Variants in FTO observed in about 807,000 individuals in gnomAD.
The protein encoded by FTO is FTO alpha-ketoglutarate dependent dioxygenase.
Under a neutral mutation model 63.9 loss-of-function variants are expected in FTO, and 47 were observed. The observed-to-expected ratio is 0.74, with a 90% confidence interval of 0.58 to 0.94. The LOEUF (loss-of-function observed/expected upper bound fraction) is 0.94. FTO is among the 40% of genes least tolerant of loss of function. FTO has a pLI of 0.00. For missense variants in FTO, 562 were observed against 618.1 expected (o/e 0.91, Z 0.96); for synonymous variants, 207 against 224.4 (o/e 0.92, Z 0.69).
chr16:53,960,758 A>G (rs1599094508), intron 8 of FTO, among the ~76,000 whole-genome samples: 2 of 152,076 alleles, frequency 1.3e-5, no homozygotes, highest in African/African-American at 4.8e-5. Flanking sequence ...AAAGGGCCCA[A>G]TTGTGCTTGG....
At chr16:54,110,216 G>C (rs2144630317) in intron 8 of FTO, among the ~76,000 whole-genome samples, 1 of 152,332 alleles carries the variant, frequency 6.6e-6, no homozygotes, top group African/African-American at 2.4e-5. Flanking sequence ...CTTCAGTGCA[G>C]TGTGTAGCTT....
At chr16:53,905,330 A>G (rs1000318904) in intron 7 of FTO, among the ~76,000 whole-genome samples, 1 of 152,162 alleles carries the variant, frequency 6.6e-6, no homozygotes, top group African/African-American at 2.4e-5. Flanking sequence ...TGGCAGTCAT[A>G]TGGAGAGTCT....
In FTO at chr16:54,112,356, C is replaced by G. The variant is rs1331738826; in HGVS notation, c.*441C>G. On this transcript the variant is annotated 3_prime_UTR_variant, in exon 9 of 9. Transcript: ENST00000471389. ...ATAGTGCTGTCCAATATGGTAGCCA[C>G]TAGCTAGCTGTGGCTACTTCAATTT... 1 of 197,766 alleles carries G rather than the reference C, an allele frequency of 5.1e-6. No individual in the cohort carries two copies. The highest frequency in any genetic ancestry group is 5.3e-5 in the Admixed American group (1 of 18,834). 12.3% of individuals were successfully genotyped at this position (197,766 alleles called of 1,614,324 possible). A position where few individuals can be genotyped will look rare whatever the true frequency, so the allele number is the denominator to read the frequency against.
At chr16:53,785,707 C>T (rs969010019) in intron 1 of FTO, among the ~76,000 whole-genome samples, 1 of 151,778 alleles carries the variant, frequency 6.6e-6, no homozygotes, top group Non-Finnish European at 1.5e-5. Context: ...GTCAAGAGAT[C>T]AAGACCATCC....
intron 8 of FTO, among the ~76,000 whole-genome samples, chr16:53,954,224 A>G (rs184160987): frequency 3.1e-4 from 47 of 152,290 alleles, no homozygotes; most frequent in African/African-American, 1.0e-3. Flanking sequence ...ATGAGGAGTT[A>G]GTAAGAGTTG....
chr16:54,031,369 A>G (rs1209311879), intron 8 of FTO, among the ~76,000 whole-genome samples: 1 of 152,148 alleles, frequency 6.6e-6, no homozygotes, highest in Non-Finnish European at 1.5e-5. Flanking sequence ...AAGTGAGGAG[A>G]TGGGAGATAT....
rs1231516982 is a variant in FTO at position 53,826,230 on chromosome 16, A to C, written c.490A>C (p.Asn164His). The C allele has an allele frequency of 1.2e-6, 2 of 1,614,232 alleles. No homozygotes were observed. ...LEELAAKEKA[N>H]EDAVPLCMSA... ...AGAACTTGCTGCCAAAGAGAAGGCT[A>C]ATGAGGATGCTGTGCCATTGTGTAT... Residue 164 changes from asparagine to histidine, a missense_variant, in exon 3 of 9, where the codon AAT becomes CAT. Transcript: ENST00000471389.
chr16:53,758,289 T>C (rs928411772), intron 1 of FTO, among the ~76,000 whole-genome samples: 1 of 152,214 alleles, frequency 6.6e-6, no homozygotes, highest in Non-Finnish European at 1.5e-5. Context: ...AGATTTTTAT[T>C]TGAAATCTCT....
chr16:54,036,254 T>C (rs1194431508), intron 8 of FTO, among the ~76,000 whole-genome samples: 1 of 152,220 alleles, frequency 6.6e-6, no homozygotes, highest in African/African-American at 2.4e-5. Context: ...TTTAGCCCCA[T>C]AATGTTTTAA....
intron 1 of FTO, among the ~76,000 whole-genome samples, chr16:53,728,730 G>C (rs1231967204): frequency 6.6e-6 from 1 of 151,830 alleles, no homozygotes; most frequent in African/African-American, 2.4e-5. Context: ...TGGGAAGATG[G>C]GGACAGTCTT....
intron 4 of FTO, among the ~76,000 whole-genome samples, chr16:53,864,874 T>TA (rs2080265696): frequency 6.6e-6 from 1 of 152,206 alleles, no homozygotes; most frequent in Non-Finnish European, 1.5e-5. Flanking sequence ...TTTCTTTTTT[T>TA]AAAGTCATAA....
chr16:53,847,490 A>G (rs968414053), intron 4 of FTO, among the ~76,000 whole-genome samples: 8 of 152,198 alleles, frequency 5.3e-5, no homozygotes, highest in African/African-American at 1.7e-4. Context: ...ATTATAGGCC[A>G]GGCGCAGTGG....
chr16:54,102,553 A>G (rs1363630813), intron 8 of FTO, among the ~76,000 whole-genome samples: 1 of 152,090 alleles, frequency 6.6e-6, no homozygotes, highest in Non-Finnish European at 1.5e-5. Flanking sequence ...TCAAAACAAA[A>G]CAAAAAGCCC....
At chr16:53,761,263 A>ATTT (rs11394373) in intron 1 of FTO, among the ~76,000 whole-genome samples, 1 of 145,932 alleles carries the variant, frequency 6.9e-6, no homozygotes. Context: ...CACCCAGCTC[A>ATTT]TTTTTTTTTT....
intron 1 of FTO, among the ~76,000 whole-genome samples, chr16:53,798,534 A>G (rs900406279): frequency 6.6e-6 from 1 of 152,156 alleles, no homozygotes; most frequent in Non-Finnish European, 1.5e-5. Flanking sequence ...GTTAAGGTAC[A>G]TGGTATTTAA....
chr16:53,742,338 C>T (rs1208847510), intron 1 of FTO, among the ~76,000 whole-genome samples: 1 of 152,156 alleles, frequency 6.6e-6, no homozygotes, highest in Non-Finnish European at 1.5e-5. Context: ...TATGGCCACC[C>T]CTAGCTGCAA....
At chr16:53,810,307 A>G (rs2078487333) in intron 2 of FTO, 90 bp downstream of exon 2, 1 of 888,380 alleles carries the variant, frequency 1.1e-6, no homozygotes, top group Admixed American at 1.8e-5. Flanking sequence ...GAGAGGTTAA[A>G]TGACAGGTGA....
intron 8 of FTO, among the ~76,000 whole-genome samples, chr16:54,107,068 GTATT>G (rs1241222904): frequency 3.4e-5 from 5 of 145,870 alleles, no homozygotes; most frequent in Non-Finnish European, 3.0e-5. Flanking sequence ...TAAAATATTT[GTATT>G]TATTATATTT....
chr16:54,026,331 T>C (rs1465840473), intron 8 of FTO, among the ~76,000 whole-genome samples: 3 of 152,166 alleles, frequency 2.0e-5, no homozygotes, highest in Non-Finnish European at 4.4e-5. Flanking sequence ...ATGGCTCACC[T>C]ACATTACAGG....
Sources: allele counts gnomAD v4.1 joint callset (sites outside exome capture counted in the v4.1 genomes callset), GRCh38; gene constraint gnomAD v4.1.1; transcripts MANE v1.5; gene names NCBI Gene and HGNC (gene_info 2026-07-23, HGNC 2026-07-21).